The following TRANK1 variants were observed in gnomAD, a reference collection of about 807,000 sequenced individuals.
TRANK1 encodes TPR and ankyrin repeat-containing protein 1.
In TRANK1, 198 loss-of-function variants were observed where a neutral mutation model predicts 266.0. The ratio of observed to expected loss-of-function variants is 0.74; its 90% CI spans 0.66 to 0.84. The LOEUF (loss-of-function observed/expected upper bound fraction) is 0.84. Ranked by LOEUF, TRANK1 falls within the 40% of genes least tolerant of loss-of-function variation. The pLI is 0.00. For synonymous variants in TRANK1, 1,396 were observed against 1,384.1 expected (o/e 1.01, Z -0.19); for missense variants, 3,326 against 3,634.6 (o/e 0.92, Z 2.18).
chr3:36,937,233 T>A (rs1340964966), intron 1 of TRANK1, among the ~76,000 whole-genome samples: 1 of 152,222 alleles, frequency 6.6e-6, no homozygotes. Context: ...GGTAGACACA[T>A]GATTTCTCCT....
intron 8 of TRANK1, among the ~76,000 whole-genome samples, chr3:36,886,136 T>TG (rs1480636184): frequency 7.0e-6 from 1 of 142,816 alleles, no homozygotes; most frequent in South Asian, 2.2e-4. Context: ...GTTGTTTTTT[T>TG]TTTTTTTTTT....
chr3:36,830,837 C>T, intron 22 of TRANK1, 36 bp downstream of exon 22: 2 of 1,539,504 alleles, frequency 1.3e-6, no homozygotes, highest in Non-Finnish European at 1.8e-6. Flanking sequence ...GCCCAGGTCT[C>T]ACTCTGCCTG....
At chr3:36,914,794 T>C (rs941904954) in intron 1 of TRANK1, among the ~76,000 whole-genome samples, 2 of 151,402 alleles carry the variant, frequency 1.3e-5, no homozygotes, top group African/African-American at 4.9e-5. Flanking sequence ...CCCACCACCA[T>C]GCCCAGCTAA....
chr3:36,832,581 C>A lies in TRANK1; in HGVS notation c.7002G>T (p.Met2334Ile). The change falls in exon 22 of 24, where the codon ATG (methionine) becomes ATT (isoleucine). Residue 2334 changes from methionine (M) to isoleucine (I), a missense_variant. Physicochemically the swap from Met to Ile is conservative, Grantham distance 10 (BLOSUM62 1). Coordinates refer to ENST00000645898, the MANE Select transcript of TRANK1 (RefSeq NM_001329998.2). ...RESTDLWLSAMQAFLLSSNYP... is the reference protein window; with the variant it reads ...RESTDLWLSAIQAFLLSSNYP... Reference sequence around the variant, plus strand: ...AGTTGGAAGAGAGAAGGAAAGCTTGCATGGCACTCAGCCACAGGTCTGTGG... The same window carrying A: ...AGTTGGAAGAGAGAAGGAAAGCTTGAATGGCACTCAGCCACAGGTCTGTGG... 1 of 1,614,002 alleles carries A rather than the reference C, an allele frequency of 6.2e-7. No individual in the cohort carries two copies. Among genetic ancestry groups the A allele is most frequent in the Non-Finnish European group, 8.5e-7 (1 of 1,179,892 alleles).
At chr3:36,852,722 A>T (rs2079000991) in intron 13 of TRANK1, among the ~76,000 whole-genome samples, 1 of 150,300 alleles carries the variant, frequency 6.7e-6, no homozygotes, top group African/African-American at 2.5e-5. Flanking sequence ...GTAAGCCAAG[A>T]TCACACCTCA....
At chr3:36,924,162 A>G (rs2080256218) in intron 1 of TRANK1, among the ~76,000 whole-genome samples, 1 of 152,088 alleles carries the variant, frequency 6.6e-6, no homozygotes, top group Non-Finnish European at 1.5e-5. Context: ...ACCAGGTGAG[A>G]TCACCCTTTA....
Position 36,892,971 on chromosome 3 carries a change from A to C in TRANK1, c.566T>G (p.Leu189Arg), listed in dbSNP as rs2079730668. 1 of 1,510,576 alleles carries C rather than the reference A, an allele frequency of 6.6e-7. No homozygotes were observed. The highest frequency in any genetic ancestry group is 8.8e-7 in the Non-Finnish European group (1 of 1,137,520). 93.6% of individuals were successfully genotyped at this position (1,510,576 alleles called of 1,614,324 possible). A position where few individuals can be genotyped will look rare whatever the true frequency, so the allele number is the denominator to read the frequency against. ...KKGLWHSFLL[L>R]SAKKDRLPRN... Reference sequence around the variant, plus strand: ...TGGTAATCGGTCTTTTTTTGCTGACAGAAGCAGAAATGACTGGTGGGAGAA... The same window carrying C: ...TGGTAATCGGTCTTTTTTTGCTGACCGAAGCAGAAATGACTGGTGGGAGAA... The change falls in exon 6 of 24, where the codon CTG (leucine) becomes CGG (arginine). Residue 189 changes from leucine (L) to arginine (R), a missense_variant. Transcript: ENST00000645898.
intron 13 of TRANK1, among the ~76,000 whole-genome samples, chr3:36,854,633 G>A (rs745608504): frequency 2.0e-4 from 30 of 152,110 alleles, no homozygotes; most frequent in African/African-American, 6.8e-4. Context: ...TGCTTACCTC[G>A]CAGTGGTGTT....
intron 1 of TRANK1, among the ~76,000 whole-genome samples, chr3:36,932,292 A>C (rs750425817): frequency 1.3e-5 from 2 of 152,162 alleles, no homozygotes; most frequent in Non-Finnish European, 2.9e-5. Flanking sequence ...AATGCACAGC[A>C]GAGTGCAGTG....
intron 20 of TRANK1, among the ~76,000 whole-genome samples, chr3:36,836,289 T>C (rs1007368797): frequency 6.2e-5 from 9 of 144,832 alleles, no homozygotes; most frequent in Admixed American, 3.5e-4. Flanking sequence ...AGACATACTG[T>C]GCCAAGGTGC....
At position 36,832,717 on chromosome 3, in the gene TRANK1, C is replaced by A. The variant is rs2078714114; in HGVS notation, c.6866G>T (p.Cys2289Phe). Residue 2289 changes from cysteine to phenylalanine, a missense_variant, in exon 22 of 24, where the codon TGC (cysteine) becomes TTC (phenylalanine). By Grantham distance (205) the Cys-to-Phe change is radical. Coordinates refer to ENST00000645898, the MANE Select transcript of TRANK1 (RefSeq NM_001329998.2). ...GTAATTTGGTTTGAGGATTTCTTTG[C>A]ATGCCATGGGGTTTTCTGACAACAC... ...QRVLSENPMA[C>F]KEILKPNYKS... 6.2e-7 allele frequency: 1 copy of A among 1,614,016 alleles called. No individual in the cohort carries two copies. The highest frequency in any genetic ancestry group is 8.5e-7 in the Non-Finnish European group (1 of 1,179,900).
At chr3:36,911,690 CT>C (rs1317877327) in intron 1 of TRANK1, among the ~76,000 whole-genome samples, 1 of 152,002 alleles carries the variant, frequency 6.6e-6, no homozygotes, top group Non-Finnish European at 1.5e-5. Context: ...CGGAAGAATG[CT>C]TTATATCTCT....
At chr3:36,921,124 T>G (rs1325881434) in intron 1 of TRANK1, among the ~76,000 whole-genome samples, 2 of 152,162 alleles carry the variant, frequency 1.3e-5, no homozygotes, top group South Asian at 2.1e-4. Flanking sequence ...TAAGTCACCT[T>G]CGGTTACTTG....
chr3:36,835,490 G>C (rs2078759601), intron 20 of TRANK1, among the ~76,000 whole-genome samples: 1 of 152,146 alleles, frequency 6.6e-6, no homozygotes, highest in Non-Finnish European at 1.5e-5. Flanking sequence ...AAATATGTGA[G>C]AATATCTTTG....
intron 1 of TRANK1, among the ~76,000 whole-genome samples, chr3:36,918,255 G>A (rs1222541276): frequency 6.6e-6 from 1 of 151,868 alleles, no homozygotes; most frequent in East Asian, 1.9e-4. Context: ...CTATAAGGAA[G>A]GAGAAATGGG....
chr3:36,896,028 A>C (rs1484733628), intron 4 of TRANK1, among the ~76,000 whole-genome samples: 2 of 152,208 alleles, frequency 1.3e-5, no homozygotes, highest in African/African-American at 4.8e-5. Context: ...ATATGTGCTT[A>C]TGTTCAATAC....
At chr3:36,913,689 G>T (rs1211449456) in intron 1 of TRANK1, among the ~76,000 whole-genome samples, 2 of 152,102 alleles carry the variant, frequency 1.3e-5, no homozygotes, top group South Asian at 2.1e-4. Context: ...AAGAAGAACA[G>T]GAATTTTCTT....
chr3:36,903,373 G>A, intron 2 of TRANK1, 98 bp from the exon 3 acceptor site: 4 of 1,429,542 alleles, frequency 2.8e-6, no homozygotes, highest in Non-Finnish European at 3.7e-6. Flanking sequence ...ATCAGGAAGG[G>A]GGTTTCAGTA....
chr3:36,879,835 T>C (rs183249907), intron 8 of TRANK1, among the ~76,000 whole-genome samples: 3,551 of 101,672 alleles, frequency 0.035, 425 homozygotes, highest in Non-Finnish European at 0.049. Context: ...TATATGTAAA[T>C]ATACAAATAT....
Sources: allele counts gnomAD v4.1 joint callset (sites outside exome capture counted in the v4.1 genomes callset), GRCh38; gene constraint gnomAD v4.1.1; transcripts MANE v1.5; gene names NCBI Gene and HGNC (gene_info 2026-07-23, HGNC 2026-07-21).